Variants in PYY observed in about 807,000 individuals in gnomAD.
PYY encodes peptide tyrosine tyrosine.
In PYY, 12 loss-of-function variants were observed where a neutral mutation model predicts 10.3. The ratio of observed to expected loss-of-function variants is 1.17; its 90% CI spans 0.75 to 1.89. The LOEUF (loss-of-function observed/expected upper bound fraction) is 1.89. PYY is among the 40% of genes most tolerant of loss of function. PYY has a pLI of 0.00. For synonymous variants in PYY, 66 were observed against 62.0 expected, an observed-to-expected ratio of 1.06 and a Z score of -0.30; for missense variants, 141 against 134.0, an observed-to-expected ratio of 1.05 and a Z score of -0.26.
Position 43,980,068 on chromosome 17 carries a change from C to G in PYY, c.-462-13536G>C, listed in dbSNP as rs538001644. 2.6e-5 allele frequency among the ~76,000 whole-genome samples: 4 copies of G among 152,170 alleles called. No homozygotes were observed. The East Asian group carries it at 7.7e-4, about 29-fold the overall frequency. ...GTGTCCCCTACCTTTCTATCCCTTC[C>G]CTGCTGAGGATAACCATTTTTCCTC... On this transcript the variant is annotated intron_variant, in intron 1 of 6. Transcript: ENST00000360085.
intron 1 of PYY, among the ~76,000 whole-genome samples, chr17:43,995,981 CTG>C (rs2048989865): frequency 6.6e-6 from 1 of 152,000 alleles, no homozygotes; most frequent in South Asian, 2.1e-4. Flanking sequence ...TAGCAAAACT[CTG>C]TCTCTACAAA....
At chr17:43,988,612 C>A (rs770517325) in intron 1 of PYY, among the ~76,000 whole-genome samples, 19 of 152,282 alleles carry the variant, frequency 1.2e-4, no homozygotes, top group Middle Eastern at 3.4e-3. Context: ...TCCCCATGGA[C>A]CATGGGCACC....
At chr17:43,956,554 C>A (rs1276277850), upstream of PYY, among the ~76,000 whole-genome samples, 1 of 150,492 alleles carries the variant, frequency 6.6e-6, no homozygotes, top group East Asian at 1.9e-4. Flanking sequence ...TCCGGTTTGT[C>A]CTTGAAGGGT....
chr17:43,963,564 GGAAGGA>G, intron 2 of PYY, among the ~76,000 whole-genome samples: 3 of 99,850 alleles, frequency 3.0e-5, no homozygotes, highest in African/African-American at 1.5e-4. Flanking sequence ...AAGGAAGGAA[GGAAGGA>G]AAAGAAAGAA....
intron 1 of PYY, 42 bp from the exon 2 acceptor site, chr17:43,953,525 A>C (rs766283944): frequency 2.7e-5 from 40 of 1,506,922 alleles, no homozygotes; most frequent in Non-Finnish European, 3.4e-5. Context: ...CCAAGCCTCG[A>C]CCCTACACGG....
upstream of PYY, among the ~76,000 whole-genome samples, chr17:43,955,109 G>A (rs778475753): frequency 1.1e-4 from 16 of 152,192 alleles, no homozygotes; most frequent in East Asian, 1.9e-4. Flanking sequence ...GCAGGGACCC[G>A]AAGACTAAGT....
upstream of PYY, among the ~76,000 whole-genome samples, chr17:43,956,420 C>A (rs924665316): frequency 1.3e-5 from 2 of 151,530 alleles, no homozygotes; most frequent in Non-Finnish European, 3.0e-5. Flanking sequence ...GCTCAGCCAC[C>A]CCCCGATCCA....
chr17:43,965,230 C>T (rs536010431), intron 2 of PYY, among the ~76,000 whole-genome samples: 2 of 152,068 alleles, frequency 1.3e-5, no homozygotes, highest in Admixed American at 1.3e-4. Context: ...CCTGTAATCC[C>T]AGCACTTTGG....
upstream of PYY, among the ~76,000 whole-genome samples, chr17:43,957,024 C>A (rs2048676771): frequency 6.6e-6 from 1 of 151,772 alleles, no homozygotes. Context: ...ATGGTGAAAC[C>A]CCATCTGTAC....
intron 1 of PYY, among the ~76,000 whole-genome samples, chr17:43,990,794 G>GT (rs747130528): frequency 0.017 from 2,046 of 123,694 alleles, 50 homozygotes; most frequent in Admixed American, 0.06. Context: ...ATTTAATGTT[G>GT]TTTTTTTTTT....
intron 1 of PYY, among the ~76,000 whole-genome samples, chr17:43,995,961 C>A (rs1401642705): frequency 6.6e-6 from 1 of 151,930 alleles, no homozygotes; most frequent in East Asian, 1.9e-4. Flanking sequence ...TTAAGACTAG[C>A]TGGGCAACAT....
chr17:43,973,375 G>A (rs1333876264), intron 1 of PYY, among the ~76,000 whole-genome samples: 4 of 152,112 alleles, frequency 2.6e-5, no homozygotes, highest in Non-Finnish European at 5.9e-5. Flanking sequence ...TATTAAATCT[G>A]AACTCAATTG....
intron 1 of PYY, among the ~76,000 whole-genome samples, chr17:43,976,827 T>C (rs1300189931): frequency 1.3e-5 from 2 of 152,206 alleles, no homozygotes; most frequent in Admixed American, 6.5e-5. Context: ...CTCTATATGT[T>C]TCTCTACCCC....
At position 43,987,883 on chromosome 17, in the gene PYY, C is replaced by T. The variant is rs1042451067; in HGVS notation, c.-463+16508G>A. The stretch of plus-strand genomic sequence containing the variant: ...GGGCAAGGATGGAGAACGAGTGCTT[C>T]GGTAGCAGGGAGGGGCAGAGAGCGG... On this transcript the variant is annotated intron_variant, in intron 1 of 6. Transcript: ENST00000360085. This position sits in a 1 kb window ranked among gnomAD's most constrained non-coding sequence, Gnocchi z 4.0. 6.6e-6 allele frequency among the ~76,000 whole-genome samples: 1 copy of T among 152,166 alleles called. No individual in the cohort carries two copies. The highest frequency in any genetic ancestry group is 6.5e-5 in the Admixed American group (1 of 15,272).
At chr17:43,996,680 GGTTT>G (rs886336430) in intron 1 of PYY, among the ~76,000 whole-genome samples, 19 of 151,534 alleles carry the variant, frequency 1.3e-4, no homozygotes, top group Admixed American at 7.9e-4. Context: ...TGTTTTTGTT[GGTTT>G]GTTTATTTGT....
intron 1 of PYY, among the ~76,000 whole-genome samples, chr17:43,972,805 C>T (rs1402325280): frequency 2.6e-5 from 4 of 152,156 alleles, no homozygotes; most frequent in Non-Finnish European, 4.4e-5. Flanking sequence ...CAACCTCCGC[C>T]TCCTGAGTTC....
intron 2 of PYY, among the ~76,000 whole-genome samples, chr17:43,965,795 A>AAAAAG (rs1428018745): frequency 2.1e-5 from 3 of 145,940 alleles, no homozygotes; most frequent in East Asian, 4.0e-4. Context: ...CTCACAAAAA[A>AAAAAG]AAAAAAAAAA....
chr17:43,979,216 C>T (rs556137467), intron 1 of PYY, among the ~76,000 whole-genome samples: 1 of 152,348 alleles, frequency 6.6e-6, no homozygotes, highest in East Asian at 1.9e-4. Context: ...TAGAAACACG[C>T]ATTTTCAGGC....
intron 1 of PYY, among the ~76,000 whole-genome samples, chr17:43,967,622 T>G (rs2048763232): frequency 6.6e-6 from 1 of 152,168 alleles, no homozygotes; most frequent in Non-Finnish European, 1.5e-5. Flanking sequence ...ATGGTTGTGA[T>G]GGTTTAAAAA....
Sources: gnomAD v4.1 joint callset for allele counts (sites outside exome capture counted in the v4.1 genomes callset) on GRCh38, gnomAD v4.1.1 for gene constraint, Gnocchi (gnomAD v3.1) non-coding constraint, MANE v1.5 for transcripts, NCBI Gene and HGNC (gene_info 2026-07-23, HGNC 2026-07-21) for gene names.